SGCE: variants seen among roughly 807,000 people sequenced by gnomAD.
SGCE encodes epsilon-sarcoglycan.
In SGCE, 26 loss-of-function variants were observed where a neutral mutation model predicts 57.8. That is an observed-to-expected ratio of 0.45 (90% CI 0.33 to 0.62). SGCE has a LOEUF of 0.62. Among genes scored for constraint, SGCE ranks in the 20% least tolerant of loss-of-function variants. SGCE has a pLI of 0.02. For synonymous variants in SGCE, 183 were observed against 189.5 expected, an observed-to-expected ratio of 0.97 and a Z score of 0.28; for missense variants, 468 against 548.6, an observed-to-expected ratio of 0.85 and a Z score of 1.47.
chr7:94,614,934 GT>G (rs891954258), intron 5 of SGCE, among the ~76,000 whole-genome samples: 4 of 152,004 alleles, frequency 2.6e-5, no homozygotes, highest in Admixed American at 6.6e-5. Flanking sequence ...GACTTCATTT[GT>G]TTTTTTGTTA....
chr7:94,587,470 G>GAA, intron 10 of SGCE: 1 of 1,243,534 alleles, frequency 8.0e-7, no homozygotes, highest in East Asian at 3.3e-5. Flanking sequence ...TAATAACGAA[G>GAA]AAGTTCTATC....
chr7:94,644,677 G>A, intron 1 of SGCE: 22 of 1,275,992 alleles, frequency 1.7e-5, no homozygotes, highest in Non-Finnish European at 1.8e-5. Context: ...ACTGTAAGGG[G>A]GATGAAAGAC....
intron 1 of SGCE, among the ~76,000 whole-genome samples, chr7:94,643,571 A>G (rs945849363): frequency 3.3e-5 from 5 of 152,208 alleles, no homozygotes; most frequent in Admixed American, 6.5e-5. Flanking sequence ...ACAATGTTTT[A>G]TGGCTCTACT....
At chr7:94,625,323 TAA>T (rs977922652) in intron 3 of SGCE, 17 of 152,184 alleles carry the variant, frequency 1.1e-4, no homozygotes, top group African/African-American at 3.8e-4. Flanking sequence ...TATTTACAGA[TAA>T]GTCACTATAT....
chr7:94,644,208 A>C (rs1381899174), intron 1 of SGCE, among the ~76,000 whole-genome samples: 1 of 152,236 alleles, frequency 6.6e-6, no homozygotes, highest in Non-Finnish European at 1.5e-5. Context: ...TCATCTTTTC[A>C]ATGTTCCCCC....
intron 1 of SGCE, among the ~76,000 whole-genome samples, chr7:94,646,663 G>A (rs1807123259): frequency 6.7e-6 from 1 of 148,826 alleles, no homozygotes; most frequent in Non-Finnish European, 1.5e-5. Context: ...GCAATCTAGT[G>A]GAAAAGGATT....
At chr7:94,632,126 A>G (rs1244914673) in intron 1 of SGCE, among the ~76,000 whole-genome samples, 3 of 152,068 alleles carry the variant, frequency 2.0e-5, no homozygotes, top group African/African-American at 7.2e-5. Context: ...ATCATCCTTC[A>G]TTGACATTAT....
At chr7:94,647,131 T>C (rs1025469355) in intron 1 of SGCE, among the ~76,000 whole-genome samples, 23 of 152,246 alleles carry the variant, frequency 1.5e-4, no homozygotes, top group Non-Finnish European at 3.1e-4. Flanking sequence ...TTTTCTGCTA[T>C]GTGTCTCAAT....
chr7:94,613,837 C>A (rs753188375), intron 5 of SGCE, among the ~76,000 whole-genome samples: 10 of 152,004 alleles, frequency 6.6e-5, no homozygotes, highest in Non-Finnish European at 1.3e-4. Flanking sequence ...AAATGTTGAG[C>A]ACTCAAAAGC....
At chr7:94,611,675 TA>T (rs1411468503) in intron 5 of SGCE, among the ~76,000 whole-genome samples, 3 of 152,194 alleles carry the variant, frequency 2.0e-5, no homozygotes, top group Non-Finnish European at 4.4e-5. Flanking sequence ...ATAAAGCTGT[TA>T]TTTTTTTAAA....
At chr7:94,616,728 G>A (rs567280709) in intron 5 of SGCE, 1 of 152,118 alleles carries the variant, frequency 6.6e-6, no homozygotes, top group South Asian at 2.1e-4. Context: ...AAGAAAACAT[G>A]CAAAATCATT....
intron 9 of SGCE, chr7:94,597,734 C>A (rs1039183133): frequency 6.6e-6 from 1 of 152,222 alleles, no homozygotes; most frequent in Non-Finnish European, 1.5e-5. Flanking sequence ...AAAGGCCGGG[C>A]ATGGTGGCTC....
At chr7:94,589,682 G>GT (rs2116579373) in intron 9 of SGCE, 1 of 156,854 alleles carries the variant, frequency 6.4e-6, no homozygotes, top group East Asian at 1.9e-4. Context: ...TGTGAACTGC[G>GT]TATGCGAGGG....
intron 1 of SGCE, among the ~76,000 whole-genome samples, chr7:94,645,938 A>G (rs1297263203): frequency 6.6e-6 from 1 of 152,212 alleles, no homozygotes; most frequent in Non-Finnish European, 1.5e-5. Context: ...TTATATAATA[A>G]TACTGCACTC....
chr7:94,604,343 G>T (rs1171761250), intron 5 of SGCE, among the ~76,000 whole-genome samples: 1 of 151,900 alleles, frequency 6.6e-6, no homozygotes, highest in Non-Finnish European at 1.5e-5. Flanking sequence ...AATTCTAGCT[G>T]CCTTCTTTGC....
intron 1 of SGCE, among the ~76,000 whole-genome samples, chr7:94,655,141 T>G (rs1609528): frequency 0.13 from 20,313 of 152,236 alleles, 4,451 homozygotes; most frequent in African/African-American, 0.46. Flanking sequence ...ACTAAACGCA[T>G]TCATTCACCC....
intron 1 of SGCE, among the ~76,000 whole-genome samples, chr7:94,631,843 A>G (rs1398035456): frequency 6.6e-6 from 1 of 152,070 alleles, no homozygotes; most frequent in Non-Finnish European, 1.5e-5. Context: ...AGAGAACATT[A>G]CAAATAATCT....
chr7:94,601,851 AT>A lies in SGCE; in HGVS notation c.826-995del, dbSNP rs1256691158. Among the ~76,000 whole-genome samples the A allele has an allele frequency of 2.6e-5, 4 of 152,060 alleles. No homozygotes were observed. In the East Asian group the frequency reaches 5.8e-4, roughly 22 times the overall value. On this transcript the variant is annotated intron_variant, in intron 6 of 10. Coordinates refer to ENST00000648936, the MANE Select transcript of SGCE (RefSeq NM_003919.3). Reference sequence around the variant, plus strand: ...CTTGTGCTTATTTTTGGGGGGTGAAATTTAGGTCCTGATTTTCCATTTCTTT... The same window carrying A: ...CTTGTGCTTATTTTTGGGGGGTGAAATTAGGTCCTGATTTTCCATTTCTTT...
chr7:94,601,476 A>AAAAAC (rs1288229007), intron 6 of SGCE, among the ~76,000 whole-genome samples: 5 of 135,030 alleles, frequency 3.7e-5, no homozygotes, highest in Non-Finnish European at 6.4e-5. Flanking sequence ...AAAAAAAAAA[A>AAAAAC]CTACAACAGT....
Sources: allele counts gnomAD v4.1 joint callset (sites outside exome capture counted in the v4.1 genomes callset), GRCh38; gene constraint gnomAD v4.1.1; transcripts MANE v1.5; gene names NCBI Gene and HGNC (gene_info 2026-07-23, HGNC 2026-07-21).